Variants in HHLA2 observed in about 807,000 individuals in gnomAD.
HHLA2 encodes HHLA2 member of B7 family.
A neutral mutation model predicts 45.9 loss-of-function variants in HHLA2; 48 were observed. That is an observed-to-expected ratio of 1.05 (90% CI 0.83 to 1.33). The LOEUF (loss-of-function observed/expected upper bound fraction) is 1.33. HHLA2 is among the 40% of genes most tolerant of loss of function. The probability of loss-of-function intolerance (pLI) is 0.00; values close to 1 mark genes in which losing one functional copy is unlikely to be tolerated. For synonymous variants in HHLA2, 161 were observed against 173.9 expected (o/e 0.93, Z 0.59); for missense variants, 462 against 494.3 (o/e 0.93, Z 0.62).
chr3:108,312,028 G>A (rs1215779108), intron 2 of HHLA2, among the ~76,000 whole-genome samples: 2 of 152,178 alleles, frequency 1.3e-5, no homozygotes, highest in African/African-American at 4.8e-5. Flanking sequence ...GGCAGGCACA[G>A]GCGGAAAACG....
At chr3:108,353,541 T>C in exon 5 of HHLA2, 2 of 1,613,456 alleles carry the variant, frequency 1.2e-6, no homozygotes, top group South Asian at 1.1e-5. Context: ...TCCGAAGTCG[T>C]AATACACTGG....
At position 108,362,470 on chromosome 3, in the gene HHLA2, C is replaced by T. The variant is rs914304533; in HGVS notation, c.1108+24C>T. The T allele has an allele frequency of 2.7e-6, 4 of 1,464,530 alleles. No homozygotes were observed. The African/African-American group carries it at 4.2e-5, about 15-fold the overall frequency. 90.7% of individuals were successfully genotyped at this position (1,464,530 alleles called of 1,614,324 possible). A position where few individuals can be genotyped will look rare whatever the true frequency, so the allele number is the denominator to read the frequency against. ...AGGTAATAGAAGAATTTGGGCTCTG[C>T]CCCACGTGTTCCACATCACGTATAT... is the stretch of plus-strand genomic sequence containing the variant. On this transcript the variant is annotated intron_variant, in intron 8 of 10. Coordinates refer to ENST00000619531, the Ensembl canonical transcript of HHLA2.
chr3:108,315,009 C>T (rs533419611), intron 2 of HHLA2, among the ~76,000 whole-genome samples: 11 of 152,134 alleles, frequency 7.2e-5, no homozygotes, highest in Non-Finnish European at 1.5e-4. Context: ...TATCAAGCTC[C>T]GGGCCAAAAT....
chr3:108,315,687 T>G (rs547126118), intron 2 of HHLA2, among the ~76,000 whole-genome samples: 1 of 152,204 alleles, frequency 6.6e-6, no homozygotes, highest in African/African-American at 2.4e-5. Context: ...GGCAGCTGGC[T>G]TCTCTTGGTA....
intron 2 of HHLA2, among the ~76,000 whole-genome samples, chr3:108,321,291 G>A (rs1483271486): frequency 3.3e-5 from 5 of 151,888 alleles, no homozygotes; most frequent in Non-Finnish European, 7.4e-5. Flanking sequence ...TCACGTTGTC[G>A]TCTTTATTGG....
exon 7 of HHLA2, chr3:108,358,022 C>A: frequency 2.5e-6 from 4 of 1,613,798 alleles, no homozygotes; most frequent in South Asian, 1.1e-5. Context: ...AATCCCGATT[C>A]TCATGGAACA....
At chr3:108,334,362 A>G (rs1353425015) in intron 3 of HHLA2, among the ~76,000 whole-genome samples, 3 of 152,332 alleles carry the variant, frequency 2.0e-5, no homozygotes, top group East Asian at 3.9e-4. Context: ...GTGCTGTATC[A>G]ATGCTGAGAA....
Position 108,335,117 on chromosome 3 carries a change from A to G in HHLA2, c.-27+6770A>G, listed in dbSNP as rs2081449184. ...CAAGTAATTAATTATTCTTTTCAGA[A>G]AATGTATCTGAGTGAGTCAGTATAC... On this transcript the variant is annotated intron_variant, in intron 3 of 10. Coordinates refer to ENST00000619531, the Ensembl canonical transcript of HHLA2. Among the ~76,000 whole-genome samples, 3 of 152,346 alleles carry G rather than the reference A, an allele frequency of 2.0e-5. No homozygotes were observed. The East Asian group carries it at 5.8e-4, about 29-fold the overall frequency.
intron 1 of HHLA2, among the ~76,000 whole-genome samples, chr3:108,303,006 T>C (rs995118662): frequency 5.9e-5 from 9 of 152,306 alleles, no homozygotes; most frequent in African/African-American, 4.8e-5. Flanking sequence ...CCCCATCTCT[T>C]TGTTGCTTGT....
chr3:108,310,119 T>G (rs987270974), intron 1 of HHLA2, among the ~76,000 whole-genome samples: 2 of 152,118 alleles, frequency 1.3e-5, no homozygotes, highest in Non-Finnish European at 2.9e-5. Flanking sequence ...AAATTAGCAC[T>G]TTCTTTCTCC....
intron 1 of HHLA2, among the ~76,000 whole-genome samples, chr3:108,301,696 G>T (rs2080851581): frequency 6.6e-6 from 1 of 152,066 alleles, no homozygotes; most frequent in Admixed American, 6.6e-5. Flanking sequence ...GCAAATTCTT[G>T]TAATCTTTTC....
exon 11 of HHLA2, chr3:108,377,649 G>A (rs12497469): frequency 0.075 from 13,819 of 184,414 alleles, 715 homozygotes; most frequent in African/African-American, 0.16. Flanking sequence ...CTGATCAACT[G>A]ATAATGGGTG....
At chr3:108,336,557 G>C (rs1413325681) in intron 3 of HHLA2, among the ~76,000 whole-genome samples, 2 of 152,120 alleles carry the variant, frequency 1.3e-5, no homozygotes, top group Non-Finnish European at 2.9e-5. Context: ...GGCTCTTCCT[G>C]CTAGGGGACA....
intron 8 of HHLA2, among the ~76,000 whole-genome samples, chr3:108,363,664 C>G (rs1196837918): frequency 1.3e-5 from 2 of 152,136 alleles, no homozygotes; most frequent in African/African-American, 4.8e-5. Flanking sequence ...CCACGAAGAT[C>G]AACCGTTGAC....
chr3:108,300,139 A>T (rs554266679), intron 1 of HHLA2, among the ~76,000 whole-genome samples: 10 of 152,166 alleles, frequency 6.6e-5, no homozygotes, highest in Non-Finnish European at 1.3e-4. Context: ...AAGAGGTTTG[A>T]AAGGACCAAC....
At chr3:108,301,871 C>T (rs779618185) in intron 1 of HHLA2, among the ~76,000 whole-genome samples, 2 of 152,030 alleles carry the variant, frequency 1.3e-5, no homozygotes, top group Non-Finnish European at 2.9e-5. Context: ...TGGTTTCATC[C>T]GAGTGACTCG....
chr3:108,362,054 C>A (rs2081991433), intron 7 of HHLA2, among the ~76,000 whole-genome samples: 1 of 152,210 alleles, frequency 6.6e-6, no homozygotes. Context: ...CTCCACCAAT[C>A]TCCAATAATA....
intron 1 of HHLA2, among the ~76,000 whole-genome samples, chr3:108,306,305 A>G (rs1050427479): frequency 6.6e-6 from 1 of 152,228 alleles, no homozygotes; most frequent in Non-Finnish European, 1.5e-5. Context: ...TAGCACAGTC[A>G]TAATACATTA....
chr3:108,340,616 T>C (rs2081547956), intron 3 of HHLA2, among the ~76,000 whole-genome samples: 1 of 152,230 alleles, frequency 6.6e-6, no homozygotes, highest in African/African-American at 2.4e-5. Flanking sequence ...TTTGAAAGTC[T>C]ATATACCAAA....
Sources: allele counts gnomAD v4.1 joint callset (sites outside exome capture counted in the v4.1 genomes callset), GRCh38; gene constraint gnomAD v4.1.1; transcripts MANE v1.5; gene names NCBI Gene and HGNC (gene_info 2026-07-23, HGNC 2026-07-21).